COX7B2: variants seen among roughly 807,000 people sequenced by gnomAD.
The protein encoded by COX7B2 is cytochrome c oxidase subunit 7B2, mitochondrial.
For missense variants in COX7B2, 109 were observed against 95.9 expected (o/e 1.14, Z -0.57); for synonymous variants, 37 against 32.1 (o/e 1.15, Z -0.51).
intron 2 of COX7B2, among the ~76,000 whole-genome samples, chr4:46,767,201 T>C (rs1178131254): frequency 1.3e-5 from 2 of 152,072 alleles, no homozygotes; most frequent in Non-Finnish European, 2.9e-5. Flanking sequence ...CAAAAGAAAG[T>C]AGGATATATA....
intron 2 of COX7B2, among the ~76,000 whole-genome samples, chr4:46,803,847 G>A (rs1436621185): frequency 6.6e-6 from 1 of 150,584 alleles, no homozygotes; most frequent in East Asian, 2.0e-4. Flanking sequence ...TCAAAATGAA[G>A]CTTTCTAGAG....
intron 1 of COX7B2, among the ~76,000 whole-genome samples, chr4:46,902,209 T>C (rs919163343): frequency 6.6e-6 from 1 of 152,148 alleles, no homozygotes; most frequent in African/African-American, 2.4e-5. Context: ...AGCAACTTCC[T>C]GAGGACAGCT....
rs77850334 is a variant in COX7B2 at position 46,878,904 on chromosome 4, G to A, written c.-105+30256C>T. 5.7e-3 allele frequency among the ~76,000 whole-genome samples: 864 copies of A among 152,198 alleles called. 3 individuals are homozygous for A. The highest frequency in any genetic ancestry group is 0.016 in the South Asian group (75 of 4,810). On this transcript the variant is annotated intron_variant, in intron 1 of 2. Coordinates refer to ENST00000355591, the MANE Select transcript of COX7B2 (RefSeq NM_130902.3). ...CACACAGACACGCCTAACAAAGAAG[G>A]CAAGGACTTACAGTCTTAGCCAATC...
chr4:46,884,631 G>A (rs368549154), intron 1 of COX7B2, among the ~76,000 whole-genome samples: 15 of 152,198 alleles, frequency 9.9e-5, no homozygotes, highest in African/African-American at 3.6e-4. Flanking sequence ...CAGCAAGCCA[G>A]GGAGGAATAC....
intron 2 of COX7B2, among the ~76,000 whole-genome samples, chr4:46,833,811 A>G (rs1303853526): frequency 6.6e-6 from 1 of 152,140 alleles, no homozygotes; most frequent in Non-Finnish European, 1.5e-5. Flanking sequence ...CAAAAAAAAG[A>G]AGTGTGCAAA....
chr4:46,880,470 G>A (rs1712677616), intron 1 of COX7B2, among the ~76,000 whole-genome samples: 1 of 129,518 alleles, frequency 7.7e-6, no homozygotes, highest in Non-Finnish European at 1.6e-5. Context: ...CAATTTCAGA[G>A]CTCATTATTG....
At chr4:46,848,061 C>T (rs1451748471) in intron 1 of COX7B2, among the ~76,000 whole-genome samples, 1 of 151,908 alleles carries the variant, frequency 6.6e-6, no homozygotes. Context: ...TGATTTATCA[C>T]AGATGAATTT....
At chr4:46,797,865 T>A (rs1718446662) in intron 2 of COX7B2, among the ~76,000 whole-genome samples, 1 of 152,208 alleles carries the variant, frequency 6.6e-6, no homozygotes, top group African/African-American at 2.4e-5. Flanking sequence ...GTTGATCTGA[T>A]AAATGCATTT....
At chr4:46,747,263 T>C (rs1715075043) in intron 2 of COX7B2, among the ~76,000 whole-genome samples, 1 of 151,974 alleles carries the variant, frequency 6.6e-6, no homozygotes, top group Admixed American at 6.6e-5. Flanking sequence ...TGTCCATATA[T>C]TCTCATCATT....
chr4:46,751,573 T>G (rs1017218484), intron 2 of COX7B2, among the ~76,000 whole-genome samples: 1 of 152,010 alleles, frequency 6.6e-6, no homozygotes, highest in African/African-American at 2.4e-5. Flanking sequence ...TGGAAATCAG[T>G]TTAGTGTGAG....
chr4:46,818,046 A>C (rs970835660), intron 2 of COX7B2, among the ~76,000 whole-genome samples: 2 of 152,232 alleles, frequency 1.3e-5, no homozygotes, highest in African/African-American at 2.4e-5. Flanking sequence ...AGTGAGTCTT[A>C]TTATGCTCAT....
intron 1 of COX7B2, among the ~76,000 whole-genome samples, chr4:46,858,788 G>A (rs1335135099): frequency 6.6e-6 from 1 of 152,174 alleles, no homozygotes; most frequent in African/African-American, 2.4e-5. Context: ...AGTAACTGAT[G>A]TGGAAGTGAC....
At chr4:46,884,969 GT>G (rs973385445) in intron 1 of COX7B2, among the ~76,000 whole-genome samples, 3 of 150,242 alleles carry the variant, frequency 2.0e-5, no homozygotes, top group East Asian at 3.9e-4. Flanking sequence ...TGCCCCATCT[GT>G]TTTTTTATAA....
intron 2 of COX7B2, among the ~76,000 whole-genome samples, chr4:46,782,317 A>T (rs932015293): frequency 6.6e-6 from 1 of 152,094 alleles, no homozygotes; most frequent in African/African-American, 2.4e-5. Flanking sequence ...AAACGCACCA[A>T]TCAGCACTCT....
intron 2 of COX7B2, among the ~76,000 whole-genome samples, chr4:46,740,608 C>T (rs936655955): frequency 3.3e-5 from 5 of 151,796 alleles, no homozygotes; most frequent in Admixed American, 6.6e-5. Flanking sequence ...ATTTTACAAA[C>T]GTAATTGTTA....
intron 2 of COX7B2, among the ~76,000 whole-genome samples, chr4:46,794,716 T>C (rs1363279305): frequency 1.3e-5 from 2 of 152,112 alleles, no homozygotes; most frequent in Admixed American, 6.6e-5. Flanking sequence ...ATGATTACTA[T>C]GATGGAGAGC....
At chr4:46,768,740 G>T (rs201287416) in intron 2 of COX7B2, among the ~76,000 whole-genome samples, 2 of 151,634 alleles carry the variant, frequency 1.3e-5, no homozygotes, top group Admixed American at 6.6e-5. Flanking sequence ...AAAGATGAAA[G>T]AATCAAAAAA....
intron 2 of COX7B2, among the ~76,000 whole-genome samples, chr4:46,755,635 A>T (rs946787854): frequency 2.6e-5 from 4 of 152,226 alleles, no homozygotes; most frequent in African/African-American, 9.6e-5. Flanking sequence ...ATAAAAAATA[A>T]AGTTACAGAA....
At chr4:46,809,285 T>C (rs773238224) in intron 2 of COX7B2, among the ~76,000 whole-genome samples, 3 of 151,824 alleles carry the variant, frequency 2.0e-5, no homozygotes, top group Admixed American at 6.6e-5. Context: ...CTTTATGTGA[T>C]TTATTTCTAT....
Sources: allele counts gnomAD v4.1 joint callset (sites outside exome capture counted in the v4.1 genomes callset), GRCh38; gene constraint gnomAD v4.1.1; transcripts MANE v1.5; gene names NCBI Gene and HGNC (gene_info 2026-07-23, HGNC 2026-07-21).